The following SPHK2 variants were observed in gnomAD, a reference collection of about 807,000 sequenced individuals.
SPHK2 encodes the protein sphingosine kinase 2.
In SPHK2, 18 loss-of-function variants were observed where a neutral mutation model predicts 32.3. The observed-to-expected ratio is 0.56, with a 90% CI of 0.39 to 0.83. The LOEUF (loss-of-function observed/expected upper bound fraction) is 0.83, where lower values mean the gene tolerates loss of function less well. SPHK2 is among the 40% of genes least tolerant of loss of function. SPHK2 has a pLI of 0.00. For missense variants in SPHK2, 850 were observed against 908.7 expected, an observed-to-expected ratio of 0.94 and a Z score of 0.83; for synonymous variants, 462 against 417.6, an observed-to-expected ratio of 1.11 and a Z score of -1.30.
intron 2 of SPHK2, 193 bp from the exon 3 acceptor site, chr19:48,625,698 C>T: frequency 1.3e-6 from 2 of 1,534,978 alleles, no homozygotes; most frequent in Non-Finnish European, 1.7e-6. Context: ...GGGTCTCCGG[C>T]CCCCTCTGGG....
rs200078635 is a variant in SPHK2, at chr19:48,625,396, T to TG, written c.40-489dup. On this transcript the variant is annotated intron_variant, in intron 2 of 6. Transcript: ENST00000245222. The stretch of plus-strand genomic sequence containing the variant: ...TTGCTGTTTTACCCACTGCACCGTA[T>TG]GGGGGGTGGGGGTGTCGGGGAGGTG... 541 of 1,178,406 alleles carry TG rather than the reference T, an allele frequency of 4.6e-4. 1 individual carries two copies. In the African/African-American group the frequency reaches 7.9e-3, roughly 17 times the overall value. 73.0% of individuals were successfully genotyped at this position (1,178,406 alleles called of 1,614,324 possible).
chr19:48,619,663 G>A, intron 1 of SPHK2, 120 bp downstream of exon 1: 1 of 176,158 alleles, frequency 5.7e-6, no homozygotes, highest in Non-Finnish European at 1.2e-5. Context: ...CGTAGGCGCA[G>A]CCGCTGCTTG....
Position 48,629,215 on chromosome 19 carries a change from A to C in SPHK2, c.1407A>C (p.Pro469=). The C allele has an allele frequency of 6.2e-7, 1 of 1,613,518 alleles. No individual in the cohort carries two copies. Among genetic ancestry groups the C allele is most frequent in the Non-Finnish European group, 8.5e-7 (1 of 1,179,956 alleles). The change falls in exon 7 of 7, where the codon CCA becomes CCC. Residue 469 remains proline (P), a synonymous_variant. Transcript: ENST00000245222. Reference sequence around the variant, plus strand: ...GGGATGCTCCGCTGTCCCCGGACCCACTGCTGTCTTCACCTCCTGGCTCTC... The same window carrying C: ...GGGATGCTCCGCTGTCCCCGGACCCCCTGCTGTCTTCACCTCCTGGCTCTC... The part of the protein sequence containing the change: ...GAGDAPLSPD[P]LLSSPPGSPK...
At chr19:48,622,419 G>A (rs1974443796) in intron 2 of SPHK2, among the ~76,000 whole-genome samples, 1 of 152,072 alleles carries the variant, frequency 6.6e-6, no homozygotes, top group African/African-American at 2.4e-5. Context: ...TCCCAGACAG[G>A]ACAGCTGAGG....
In SPHK2 at chr19:48,629,649, C is replaced by T; in HGVS notation, c.1841C>T (p.Thr614Ile). The change falls in exon 7 of 7, where the codon ACA (threonine) becomes ATA (isoleucine). Residue 614 changes from threonine (T) to isoleucine (I), a missense_variant. Physicochemically the swap from Thr to Ile is moderately conservative, Grantham distance 89. Coordinates refer to ENST00000245222, the MANE Select transcript of SPHK2 (RefSeq NM_020126.5). ...AARAFRLEPL[T>I]PRGVLTVDGE... is the part of the protein sequence containing the mutation. ...CGTGCCTTCCGCCTAGAGCCGCTCA[C>T]ACCACGCGGCGTGCTCACAGTGGAC... The T allele has an allele frequency of 6.2e-7, 1 of 1,603,420 alleles. No homozygotes were observed. The highest frequency in any genetic ancestry group is 8.5e-7 in the Non-Finnish European group (1 of 1,175,900).
chr19:48,630,187 C>T lies in SPHK2; in HGVS notation c.*414C>T, dbSNP rs890044921. The T allele has an allele frequency of 5.6e-6, 7 of 1,253,914 alleles. No individual in the cohort carries two copies. In the East Asian group the frequency reaches 1.9e-4, roughly 34 times the overall value. The allele number at this position is 1,253,914 out of a possible 1,614,324, so 77.7% of individuals were successfully genotyped here. On this transcript the variant is annotated 3_prime_UTR_variant, in exon 7 of 7. Transcript: ENST00000245222. The surrounding 1 kb of genome is among the most constrained non-coding windows in gnomAD (Gnocchi z 4.9). Reference sequence around the variant, plus strand: ...GTCGGCCGGTCAGGGCCCGCAGCCTCGCCCCATCCACTCCGGTGCCTCCAT... The same window carrying T: ...GTCGGCCGGTCAGGGCCCGCAGCCTTGCCCCATCCACTCCGGTGCCTCCAT...
chr19:48,625,571 G>T, intron 2 of SPHK2: 1 of 1,382,694 alleles, frequency 7.2e-7, no homozygotes, highest in Admixed American at 2.3e-5. Context: ...TCCTATGAAG[G>T]CAAGGATTTG....
chr19:48,628,961 C>A lies in SPHK2; in HGVS notation c.1153C>A (p.Pro385Thr), dbSNP rs1222324533. Residue 385 changes from proline (P) to threonine (T), a missense_variant, in exon 7 of 7, where the codon CCT (proline) becomes ACT (threonine). By Grantham distance (38) the Pro-to-Thr change is conservative. Transcript: ENST00000245222. This position sits in a 1 kb window ranked among gnomAD's most constrained non-coding sequence, Gnocchi z 5.2. ...CTCCTACCTCCCCGCCACTGTGGAA[C>A]CTGCCTCGCCCACCCCTGCCCATAG... ...RLSYLPATVE[P>T]ASPTPAHSLP... The A allele has an allele frequency of 3.1e-6, 5 of 1,613,736 alleles. No individual in the cohort carries two copies. The highest frequency in any genetic ancestry group is 3.3e-5 in the Admixed American group (2 of 60,032).
chr19:48,627,679 C>T lies in SPHK2; in HGVS notation c.512-13C>T, dbSNP rs772796276. ...GGTCACTGGCCTCTGCAGACCCTAA[C>T]CTCTCTCCACAGAGATCACCCCTGA... On this transcript the variant is annotated splice_polypyrimidine_tract_variant and intron_variant, in intron 3 of 6. Transcript: ENST00000245222. 6 of 1,569,376 alleles carry T rather than the reference C, an allele frequency of 3.8e-6. No individual in the cohort carries two copies. In the African/African-American group the frequency reaches 6.8e-5, roughly 18 times the overall value.
In SPHK2 at chr19:48,629,118, C is replaced by T. The variant is rs950353741; in HGVS notation, c.1310C>T (p.Ser437Leu). Residue 437 changes from serine (S) to leucine (L), a missense_variant, in exon 7 of 7, where the codon TCG becomes TTG. This residue lies in a region of SPHK2 where 544 missense variants were observed against 640.0 expected (regional missense o/e 0.85). Transcript: ENST00000245222. ...CAGCCTGCCCTGGCCTCTCCTGGCT[C>T]GCCAGAACCCCTGCCCATCCTGTCC... ...LPQPALASPG[S>L]PEPLPILSLN... 6.2e-7 allele frequency: 1 copy of T among 1,613,422 alleles called. No individual in the cohort carries two copies. The highest frequency in any genetic ancestry group is 8.5e-7 in the Non-Finnish European group (1 of 1,179,836).
At chr19:48,624,821 C>T (rs1974540209) in intron 2 of SPHK2, 2 of 842,990 alleles carry the variant, frequency 2.4e-6, no homozygotes, top group Non-Finnish European at 2.8e-6. Context: ...CCGAGAGAGC[C>T]GCTGGGGATA....
intron 2 of SPHK2, 37 bp downstream of exon 2, chr19:48,620,590 T>A: frequency 6.6e-7 from 1 of 1,522,450 alleles, no homozygotes; most frequent in Non-Finnish European, 8.9e-7. Flanking sequence ...CCTCATACTG[T>A]GGAAAGACAA....
At chr19:48,626,546 G>A (rs1371556973) in intron 3 of SPHK2, 184 bp downstream of exon 3, 3 of 781,246 alleles carry the variant, frequency 3.8e-6, no homozygotes, top group East Asian at 6.5e-5. Flanking sequence ...CGGATGTGGT[G>A]GCTCATGTCT....
At chr19:48,620,030 T>C (rs1210204762) in intron 1 of SPHK2, among the ~76,000 whole-genome samples, 3 of 152,164 alleles carry the variant, frequency 2.0e-5, no homozygotes. Context: ...GGGCAAGTCA[T>C]TTAACCTCTC....
chr19:48,626,653 A>G, intron 3 of SPHK2: 1 of 301,838 alleles, frequency 3.3e-6, no homozygotes, highest in Non-Finnish European at 6.2e-6. Flanking sequence ...CATGTCTACT[A>G]AAAATACAAA....
rs4802496 is a variant in SPHK2, at chr19:48,621,734, G to A, written c.39+1181G>A. 3.3e-5 allele frequency among the ~76,000 whole-genome samples: 5 copies of A among 151,752 alleles called. No homozygotes were observed. In the East Asian group the frequency reaches 5.8e-4, roughly 18 times the overall value. On this transcript the variant is annotated intron_variant, in intron 2 of 6. Transcript: ENST00000245222. ...TGGGGTAGGGGGAGATCTGTGCAGG[G>A]GGAAGCATATTATAGCAGCGAGAAA... is the stretch of plus-strand genomic sequence containing the variant.
In SPHK2 at chr19:48,628,329, G is replaced by A; in HGVS notation, c.872+52G>A. 6.6e-7 allele frequency: 1 copy of A among 1,513,638 alleles called. No homozygotes were observed. The highest frequency in any genetic ancestry group is 9.1e-7 in the Non-Finnish European group (1 of 1,093,966). 93.8% of individuals were successfully genotyped at this position (1,513,638 alleles called of 1,614,324 possible). The stretch of plus-strand genomic sequence containing the variant: ...GGATGAGCCCCTCCTGGGGTGATAG[G>A]GACCCCTATATCTCCCACTCAGCCA... On this transcript the variant is annotated intron_variant, in intron 6 of 6. Transcript: ENST00000245222. The surrounding 1 kb of genome is among the most constrained non-coding windows in gnomAD (Gnocchi z 5.2).
At chr19:48,624,427 G>A (rs1205109115) in intron 2 of SPHK2, 2 of 152,572 alleles carry the variant, frequency 1.3e-5, no homozygotes, top group Non-Finnish European at 2.9e-5. Flanking sequence ...GGAGGACCCG[G>A]CGTGTGAGGA....
Position 48,625,851 on chromosome 19 carries a change from G to A in SPHK2, c.40-40G>A, listed in dbSNP as rs369602049. The A allele has an allele frequency of 2.1e-4, 343 of 1,597,816 alleles. 2 individuals carry two copies. The highest frequency in any genetic ancestry group is 1.8e-3 in the Middle Eastern group (11 of 6,050). On this transcript the variant is annotated intron_variant, in intron 2 of 6. Transcript: ENST00000245222. ...CTGCCCCTCCCTGCCCCTGCCATGG[G>A]GTCCTGAATTCTCACCCCTTCTCTC... is the stretch of plus-strand genomic sequence containing the variant.
Sources: gnomAD v4.1 joint callset for allele counts (sites outside exome capture counted in the v4.1 genomes callset) on GRCh38, gnomAD v4.1.1 for gene constraint, gnomAD v4.1.1 regional missense constraint, Gnocchi (gnomAD v3.1) non-coding constraint, MANE v1.5 for transcripts, NCBI Gene and HGNC (gene_info 2026-07-23, HGNC 2026-07-21) for gene names.